Variants in TCF20 observed in about 807,000 individuals in gnomAD.
The protein encoded by TCF20 is transcription factor 20.
A neutral mutation model predicts 148.6 loss-of-function variants in TCF20; 3 were observed. That is an observed-to-expected ratio of 0.02 (90% CI 0.01 to 0.05). The LOEUF (loss-of-function observed/expected upper bound fraction) is 0.05. Among genes scored for constraint, TCF20 ranks in the 10% least tolerant of loss-of-function variants. The pLI, the probability that TCF20 is intolerant of heterozygous loss-of-function variation, is 1.00. For missense variants in TCF20, 2,350 were observed against 2,429.3 expected (o/e 0.97, Z 0.69); for synonymous variants, 1,049 against 909.5 (o/e 1.15, Z -2.76).
intron 1 of TCF20, among the ~76,000 whole-genome samples, chr22:42,283,452 G>A (rs1926955383): frequency 6.6e-6 from 1 of 152,166 alleles, no homozygotes; most frequent in Admixed American, 6.5e-5. Context: ...CCCTGGGACT[G>A]TGACCCGGGG....
At chr22:42,270,801 G>A (rs1926584095), upstream of TCF20, among the ~76,000 whole-genome samples, 2 of 146,866 alleles carry the variant, frequency 1.4e-5, no homozygotes, top group African/African-American at 4.9e-5. Context: ...CCCGCGTGCG[G>A]CGGCGTCGAG....
intron 3 of TCF20, among the ~76,000 whole-genome samples, chr22:42,178,730 G>A (rs772683523): frequency 4.8e-4 from 73 of 151,430 alleles, no homozygotes; most frequent in Admixed American, 2.1e-3. Flanking sequence ...CTATAGGTGC[G>A]CGTCACATCT....
intron 1 of TCF20, among the ~76,000 whole-genome samples, chr22:42,340,116 C>A (rs534130762): frequency 6.6e-6 from 1 of 152,284 alleles, no homozygotes; most frequent in East Asian, 1.9e-4. Context: ...CCTTTCCTTA[C>A]CTGTTCTGCT....
At chr22:42,244,808 A>G (rs575077549) in intron 1 of TCF20, among the ~76,000 whole-genome samples, 67 of 152,140 alleles carry the variant, frequency 4.4e-4, no homozygotes, top group Non-Finnish European at 8.1e-4. Context: ...GGCTGGGCGC[A>G]GTGGCTCACA....
At chr22:42,208,611 AC>A (rs1938550495) in intron 2 of TCF20, among the ~76,000 whole-genome samples, 1 of 152,102 alleles carries the variant, frequency 6.6e-6, no homozygotes. Context: ...ACAAAACAAA[AC>A]CAAAACAAAA....
At chr22:42,185,468 C>T (rs1937000217) in intron 2 of TCF20, among the ~76,000 whole-genome samples, 1 of 152,192 alleles carries the variant, frequency 6.6e-6, no homozygotes, top group Non-Finnish European at 1.5e-5. Flanking sequence ...AAAACTGATG[C>T]TGGTGGAGCT....
chr22:42,182,237 T>C (rs1042935863), intron 2 of TCF20, among the ~76,000 whole-genome samples: 1 of 152,236 alleles, frequency 6.6e-6, no homozygotes, highest in Non-Finnish European at 1.5e-5. Context: ...TCTGCCTTCT[T>C]GGCCAAACTC....
chr22:42,341,337 G>A (rs1928164843), intron 1 of TCF20, among the ~76,000 whole-genome samples: 1 of 152,180 alleles, frequency 6.6e-6, no homozygotes, highest in African/African-American at 2.4e-5. Flanking sequence ...TCGGCCAGAG[G>A]GCCTGACATA....
chr22:42,238,593 G>C (rs1057491573), intron 1 of TCF20, among the ~76,000 whole-genome samples: 1 of 152,226 alleles, frequency 6.6e-6, no homozygotes, highest in African/African-American at 2.4e-5. Context: ...ATTTAAAAGT[G>C]AGAGATGTGC....
intron 3 of TCF20, among the ~76,000 whole-genome samples, chr22:42,178,187 T>A (rs1369403556): frequency 2.0e-5 from 3 of 152,202 alleles, no homozygotes; most frequent in African/African-American, 7.2e-5. Flanking sequence ...TCTGGCCCTA[T>A]GTTTCTTTCA....
At position 42,325,926 on chromosome 22, in the gene TCF20, G is replaced by A. The variant is rs541589240; in HGVS notation, c.-37+17553C>T. ...AGGCACAGGTACTGCTATTATTGCCGTCCTCAGGTGAGTAAGACATGGTTT... is the reference window on the plus strand; with the variant it reads ...AGGCACAGGTACTGCTATTATTGCCATCCTCAGGTGAGTAAGACATGGTTT... On this transcript the variant is annotated intron_variant, in intron 1 of 1. Coordinates refer to the TCF20 transcript ENST00000515426. 4.9e-4 allele frequency among the ~76,000 whole-genome samples: 75 copies of A among 152,240 alleles called. 1 individual carries two copies. Among genetic ancestry groups the A allele is most frequent in the African/African-American group, 1.7e-3 (70 of 41,556 alleles).
At chr22:42,265,220 C>A (rs1344138405) in intron 1 of TCF20, among the ~76,000 whole-genome samples, 2 of 152,238 alleles carry the variant, frequency 1.3e-5, no homozygotes, top group African/African-American at 4.8e-5. Context: ...GGACTTTCAA[C>A]AGCCTAACCA....
chr22:42,170,489 C>T (rs1404497174), intron 3 of TCF20, among the ~76,000 whole-genome samples: 1 of 146,938 alleles, frequency 6.8e-6, no homozygotes, highest in African/African-American at 2.5e-5. Flanking sequence ...CCTAGGCAAG[C>T]AAAACTGTCT....
rs911209961 is a variant in TCF20, at chr22:42,299,252, G to A, written c.-37+44227C>T. 1.3e-5 allele frequency among the ~76,000 whole-genome samples: 2 copies of A among 152,212 alleles called. No individual in the cohort carries two copies. Among genetic ancestry groups the A allele is most frequent in the African/African-American group, 4.8e-5 (2 of 41,440 alleles). ...TGAGCCCAGAGGACAATCACAGGGAGGACGGCGGCAAGGAGGTGAGGCCAT... is the reference window on the plus strand; with the variant it reads ...TGAGCCCAGAGGACAATCACAGGGAAGACGGCGGCAAGGAGGTGAGGCCAT... On this transcript the variant is annotated intron_variant, in intron 1 of 1. Coordinates refer to the TCF20 transcript ENST00000515426. This position sits in a 1 kb window ranked among gnomAD's most constrained non-coding sequence, Gnocchi z 4.1.
In TCF20 at chr22:42,160,619, T is replaced by C. The variant is rs1014248989; in HGVS notation, c.*784A>G. ...CTATGACCTCAGGCATCTGCCAATT[T>C]CACCCCCAAAAAGAAAAAATTAAAA... On this transcript the variant is annotated 3_prime_UTR_variant, in exon 6 of 6. Coordinates refer to ENST00000677622, the MANE Select transcript of TCF20 (RefSeq NM_001378418.1). 1 of 150,596 alleles carries C rather than the reference T, an allele frequency of 6.6e-6. No individual in the cohort carries two copies. Among genetic ancestry groups the C allele is most frequent in the Admixed American group, 6.6e-5 (1 of 15,152 alleles). 9.3% of individuals were successfully genotyped at this position (150,596 alleles called of 1,614,324 possible).
rs752744771 is a variant in TCF20, at chr22:42,214,067, C to G, written c.1239G>C (p.Gln413His). ...VPMGSRNRIL[Q>H]LMPQLSPTPS... is the part of the protein sequence containing the mutation. ...GGGTTGGACTGAGTTGAGGCATTAA[C>G]TGTAAAATTCTGTTTCTGGAACCCA... The change falls in exon 2 of 6, where the codon CAG (glutamine) becomes CAC (histidine). Residue 413 changes from glutamine (Q) to histidine (H), a missense_variant. By Grantham distance (24) the Gln-to-His change is conservative. Transcript: ENST00000677622. 6.2e-7 allele frequency: 1 copy of G among 1,614,172 alleles called. No individual in the cohort carries two copies.
rs1212085462 is a variant in TCF20 at position 42,299,479 on chromosome 22, G to A, written c.-37+44000C>T. Among the ~76,000 whole-genome samples the A allele has an allele frequency of 6.6e-6, 1 of 152,216 alleles. No homozygotes were observed. The highest frequency in any genetic ancestry group is 1.5e-5 in the Non-Finnish European group (1 of 68,032). ...GGCCTCAATTTCCCCCAGGACAAAG[G>A]GGCCTCAAGGCCTCATGAACAGAAC... is the stretch of plus-strand genomic sequence containing the variant. On this transcript the variant is annotated intron_variant, in intron 1 of 1. Coordinates refer to the TCF20 transcript ENST00000515426. The surrounding 1 kb of genome is among the most constrained non-coding windows in gnomAD (Gnocchi z 4.1).
At chr22:42,339,108 CAA>C (rs1928119165) in intron 1 of TCF20, among the ~76,000 whole-genome samples, 2 of 152,134 alleles carry the variant, frequency 1.3e-5, no homozygotes, top group South Asian at 4.1e-4. Flanking sequence ...AGGTGCTCCC[CAA>C]AGAGTCCGGA....
At chr22:42,248,058 G>A (rs540947244) in intron 1 of TCF20, among the ~76,000 whole-genome samples, 1 of 152,314 alleles carries the variant, frequency 6.6e-6, no homozygotes, top group East Asian at 1.9e-4. Flanking sequence ...CAGGGATGGA[G>A]TAGGCAAAGT....
Sources: gnomAD v4.1 joint callset for allele counts (sites outside exome capture counted in the v4.1 genomes callset) on GRCh38, gnomAD v4.1.1 for gene constraint, Gnocchi (gnomAD v3.1) non-coding constraint, MANE v1.5 for transcripts, NCBI Gene and HGNC (gene_info 2026-07-23, HGNC 2026-07-21) for gene names.